Variants in ANKRD44 observed in about 807,000 individuals in gnomAD.
The protein encoded by ANKRD44 is ankyrin repeat domain 44.
Under a neutral mutation model 116.0 loss-of-function variants are expected in ANKRD44, and 35 were observed. The ratio of observed to expected loss-of-function variants is 0.30; its 90% CI spans 0.23 to 0.40. The LOEUF (loss-of-function observed/expected upper bound fraction) is 0.40, where lower values mean the gene tolerates loss of function less well. Among genes scored for constraint, ANKRD44 ranks in the 10% least tolerant of loss-of-function variants. The pLI is 1.00. For synonymous variants in ANKRD44, 435 were observed against 461.8 expected, an observed-to-expected ratio of 0.94 and a Z score of 0.74; for missense variants, 1,014 against 1,242.6, an observed-to-expected ratio of 0.82 and a Z score of 2.77.
chr2:197,068,389 AAAAAAAAATAAAAATAAAAT>A (rs1439826926), intron 16 of ANKRD44, among the ~76,000 whole-genome samples: 1 of 66,874 alleles, frequency 1.5e-5, no homozygotes, highest in East Asian at 7.7e-4. Context: ...GAAAAAAATA[AAAAAAAAATAAAAATAAAAT>A]AAAAAAAAAT....
Position 197,001,800 on chromosome 2 carries a change from A to T in ANKRD44, c.2388T>A (p.Cys796Ter), listed in dbSNP as rs1163469549. 6.2e-7 allele frequency: 1 copy of T among 1,613,820 alleles called. No homozygotes were observed. Among genetic ancestry groups the T allele is most frequent in the Non-Finnish European group, 8.5e-7 (1 of 1,179,836 alleles). Residue 796 changes from cysteine to a stop codon, truncating the protein, a stop_gained, in exon 22 of 28, where the codon TGT becomes TGA. Transcript: ENST00000282272. LOFTEE classifies it high-confidence loss of function. ...AGGGATTACCGATAAATTTGCGAAA[A>T]CATTTTTGCTCCAAAAGTACCTCTA... ...NCIEVLLEQK[C>*]FRKFIGNPFT...
intron 21 of ANKRD44, among the ~76,000 whole-genome samples, chr2:197,004,682 T>C (rs1401408201): frequency 6.6e-6 from 1 of 152,198 alleles, no homozygotes; most frequent in Admixed American, 6.5e-5. Context: ...TAAATTTTGA[T>C]ATCCTTTTTG....
intron 2 of ANKRD44, among the ~76,000 whole-genome samples, chr2:197,159,491 T>TA (rs59836687): frequency 0.013 from 2,045 of 152,256 alleles, 45 homozygotes; most frequent in African/African-American, 0.046. Context: ...ACTTTCCTAT[T>TA]AAAAAAATAC....
intron 1 of ANKRD44, among the ~76,000 whole-genome samples, chr2:197,250,600 T>C (rs1299765576): frequency 2.0e-5 from 3 of 152,348 alleles, no homozygotes; most frequent in Admixed American, 6.5e-5. Context: ...ATAGTTTATA[T>C]TGTTGAGCAC....
chr2:197,082,551 T>C (rs534977581), intron 14 of ANKRD44, among the ~76,000 whole-genome samples: 10 of 152,318 alleles, frequency 6.6e-5, no homozygotes, highest in African/African-American at 2.4e-4. Context: ...ACATACTATA[T>C]GAACTATATA....
intron 1 of ANKRD44, among the ~76,000 whole-genome samples, chr2:197,304,089 T>A (rs917990544): frequency 6.6e-6 from 1 of 152,180 alleles, no homozygotes; most frequent in African/African-American, 2.4e-5. Flanking sequence ...GCAGATCACA[T>A]GAGGCCAGGA....
chr2:197,279,143 C>T (rs2083191372), intron 1 of ANKRD44, among the ~76,000 whole-genome samples: 2 of 152,134 alleles, frequency 1.3e-5, no homozygotes, highest in Non-Finnish European at 2.9e-5. Context: ...ATCATTCAGT[C>T]CACATTTCAA....
At chr2:197,102,980 A>G (rs934796533) in intron 9 of ANKRD44, among the ~76,000 whole-genome samples, 8 of 152,106 alleles carry the variant, frequency 5.3e-5, no homozygotes, top group African/African-American at 1.9e-4. Context: ...CTGTAATCCC[A>G]GCACTCTGGG....
intron 8 of ANKRD44, among the ~76,000 whole-genome samples, chr2:197,117,055 C>T (rs1397119602): frequency 3.9e-5 from 6 of 151,956 alleles, no homozygotes; most frequent in Non-Finnish European, 5.9e-5. Context: ...CTATTGTTTC[C>T]CTAATTTTAC....
chr2:197,179,847 C>T (rs1559128446), intron 2 of ANKRD44, among the ~76,000 whole-genome samples: 1 of 152,198 alleles, frequency 6.6e-6, no homozygotes, highest in East Asian at 1.9e-4. Flanking sequence ...CTCAGTGCTG[C>T]CTGGAGTTCA....
intron 1 of ANKRD44, among the ~76,000 whole-genome samples, chr2:197,246,349 G>GTTTTTT (rs1559181687): frequency 1.3e-3 from 12 of 8,928 alleles, no homozygotes; most frequent in African/African-American, 3.2e-3. Context: ...ACTACATCTG[G>GTTTTTT]CTTTTTTTTT....
intron 17 of ANKRD44, among the ~76,000 whole-genome samples, chr2:197,022,030 T>C (rs2076507089): frequency 6.6e-6 from 1 of 152,216 alleles, no homozygotes; most frequent in Non-Finnish European, 1.5e-5. Flanking sequence ...CCCTGGAGAT[T>C]TGAATCATTC....
chr2:197,089,876 T>G, intron 11 of ANKRD44, 74 bp downstream of exon 11: 1 of 1,355,940 alleles, frequency 7.4e-7, no homozygotes, highest in Admixed American at 1.7e-5. Flanking sequence ...CCACTCACTC[T>G]GACCAGACAC....
chr2:197,196,964 A>ATT (rs5837528), intron 1 of ANKRD44, among the ~76,000 whole-genome samples: 1 of 150,980 alleles, frequency 6.6e-6, no homozygotes, highest in African/African-American at 2.4e-5. Flanking sequence ...GCCATTGTCA[A>ATT]TTTTTTTTTT....
intron 16 of ANKRD44, among the ~76,000 whole-genome samples, chr2:197,068,239 A>G (rs2125083936): frequency 7.7e-6 from 1 of 129,046 alleles, no homozygotes; most frequent in East Asian, 2.3e-4. Flanking sequence ...GAGGGATAGC[A>G]TTGGGAGATA....
At chr2:197,163,053 C>A (rs905560717) in intron 2 of ANKRD44, among the ~76,000 whole-genome samples, 1 of 152,096 alleles carries the variant, frequency 6.6e-6, no homozygotes, top group Admixed American at 6.5e-5. Context: ...CTATCCCTAA[C>A]CTTGAGTGAA....
chr2:197,174,387 T>C (rs1574201128), intron 2 of ANKRD44, among the ~76,000 whole-genome samples: 1 of 152,186 alleles, frequency 6.6e-6, no homozygotes, highest in African/African-American at 2.4e-5. Context: ...ATATGAAATA[T>C]ATGAAGTAAA....
At chr2:197,230,638 T>G (rs997900244) in intron 1 of ANKRD44, among the ~76,000 whole-genome samples, 1 of 152,168 alleles carries the variant, frequency 6.6e-6, no homozygotes, top group Non-Finnish European at 1.5e-5. Context: ...AGTATCTTAA[T>G]CAGGAAAGCT....
chr2:197,236,088 G>A (rs1559173409), intron 1 of ANKRD44, among the ~76,000 whole-genome samples: 1 of 152,118 alleles, frequency 6.6e-6, no homozygotes, highest in Non-Finnish European at 1.5e-5. Flanking sequence ...CCGGATAAAT[G>A]CCACATAAAG....
Sources: allele counts gnomAD v4.1 joint callset (sites outside exome capture counted in the v4.1 genomes callset), GRCh38; gene constraint gnomAD v4.1.1; transcripts MANE v1.5; gene names NCBI Gene and HGNC (gene_info 2026-07-23, HGNC 2026-07-21).